The following BNIP3L variants were observed in gnomAD, a reference collection of about 807,000 sequenced individuals.
BNIP3L encodes the protein BCL2/adenovirus E1B 19 kDa protein-interacting protein 3-like.
BNIP3L carries 10 observed loss-of-function variants against 25.5 expected under a neutral mutation model. The ratio of observed to expected loss-of-function variants is 0.39; its 90% CI spans 0.24 to 0.67. The LOEUF (loss-of-function observed/expected upper bound fraction) is 0.67. Among genes scored for constraint, BNIP3L ranks in the 30% least tolerant of loss-of-function variants. BNIP3L has a pLI of 0.45. For missense variants in BNIP3L, 215 were observed against 270.9 expected (o/e 0.79, Z 1.45); for synonymous variants, 113 against 101.2 (o/e 1.12, Z -0.70).
At chr8:26,386,315 G>A (rs542598009) in intron 1 of BNIP3L, among the ~76,000 whole-genome samples, 1 of 152,292 alleles carries the variant, frequency 6.6e-6, no homozygotes, top group Non-Finnish European at 1.5e-5. Flanking sequence ...CCTTAAGAAT[G>A]TTTGAATAAG....
chr8:26,384,012 A>G (rs963820943), intron 1 of BNIP3L, among the ~76,000 whole-genome samples: 1 of 151,984 alleles, frequency 6.6e-6, no homozygotes, highest in African/African-American at 2.4e-5. Flanking sequence ...AAAGAAACGG[A>G]ATTAAAAACG....
chr8:26,387,691 C>CT (rs1289531406), intron 1 of BNIP3L, among the ~76,000 whole-genome samples: 2 of 152,186 alleles, frequency 1.3e-5, no homozygotes, highest in African/African-American at 4.8e-5. Flanking sequence ...GTGTACATAA[C>CT]TTTCTCTGTA....
intron 1 of BNIP3L, among the ~76,000 whole-genome samples, chr8:26,388,416 A>G (rs1039473455): frequency 2.0e-5 from 3 of 152,220 alleles, no homozygotes; most frequent in Admixed American, 6.5e-5. Flanking sequence ...GGTAACAGCT[A>G]TAACTGAGAG....
intron 2 of BNIP3L, among the ~76,000 whole-genome samples, chr8:26,392,690 T>C (rs1806140810): frequency 6.6e-6 from 1 of 152,122 alleles, no homozygotes; most frequent in African/African-American, 2.4e-5. Context: ...TTGATTCCAG[T>C]AGCTACAGCA....
At chr8:26,407,522 T>C (rs976550389) in intron 3 of BNIP3L, among the ~76,000 whole-genome samples, 8 of 150,620 alleles carry the variant, frequency 5.3e-5, no homozygotes, top group Non-Finnish European at 1.2e-4. Context: ...AAGACGGGGT[T>C]TTACCATGTT....
intron 5 of BNIP3L, 129 bp downstream of exon 5, chr8:26,408,505 TAA>T: frequency 9.0e-7 from 1 of 1,107,384 alleles, no homozygotes; most frequent in Non-Finnish European, 1.3e-6. Flanking sequence ...AAGGTGAACT[TAA>T]AAAAGTGGGT....
chr8:26,391,121 A>G, intron 1 of BNIP3L, 122 bp from the exon 2 acceptor site: 1 of 763,762 alleles, frequency 1.3e-6, no homozygotes, highest in Non-Finnish European at 2.0e-6. Context: ...TTTTCTTCAG[A>G]ATACTTTTAC....
At chr8:26,389,372 T>C (rs892070756) in intron 1 of BNIP3L, among the ~76,000 whole-genome samples, 4 of 152,192 alleles carry the variant, frequency 2.6e-5, no homozygotes, top group African/African-American at 4.8e-5. Context: ...GTATTTCTTA[T>C]ACACTCCAGA....
chr8:26,383,284 G>C (rs1235665298), intron 1 of BNIP3L, 54 bp downstream of exon 1: 1 of 1,562,162 alleles, frequency 6.4e-7, no homozygotes, highest in East Asian at 2.3e-5. Flanking sequence ...GAGCAGCCCC[G>C]GCCGCCGCCA....
At position 26,383,211 on chromosome 8, in the gene BNIP3L, C is replaced by T; in HGVS notation, c.81C>T (p.Pro27=). The T allele has an allele frequency of 6.2e-7, 1 of 1,611,176 alleles. No homozygotes were observed. Among genetic ancestry groups the T allele is most frequent in the Admixed American group, 1.7e-5 (1 of 59,796 alleles). ...GCGAGGAAAATGAGCAGTCTCTGCCCCCGCCGGCCGGCCTCAACAGTGAGT... is the reference window on the plus strand; with the variant it reads ...GCGAGGAAAATGAGCAGTCTCTGCCTCCGCCGGCCGGCCTCAACAGTGAGT... ...NNCEENEQSL[P]PPAGLNSSWV... Residue 27 remains proline, a synonymous_variant, in exon 1 of 6, where the codon CCC becomes CCT. Coordinates refer to ENST00000380629, the MANE Select transcript of BNIP3L (RefSeq NM_004331.3).
Position 26,408,001 on chromosome 8 carries a change from CAGA to C in BNIP3L, c.368_370del (p.Glu123del), listed in dbSNP as rs766469742. The C allele has an allele frequency of 1.9e-5, 30 of 1,612,910 alleles. No individual in the cohort carries two copies. The highest frequency in any genetic ancestry group is 1.6e-4 in the Middle Eastern group (1 of 6,084). On this transcript the variant is annotated inframe_deletion and splice_region_variant, in exon 4 of 6. Transcript: ENST00000380629. Reference sequence around the variant, plus strand: ...TAAAGTTTGAATTCTTCTTTACAGTCAGAAGAAGAAGTTGTAGAAGGAGAGAAG... The same window carrying C: ...TAAAGTTTGAATTCTTCTTTACAGTCAGAAGAAGTTGTAGAAGGAGAGAAG...
intron 2 of BNIP3L, among the ~76,000 whole-genome samples, chr8:26,393,462 T>G (rs1176102814): frequency 6.7e-6 from 1 of 150,072 alleles, no homozygotes; most frequent in Non-Finnish European, 1.5e-5. Context: ...CTTCTCATTT[T>G]GGTTGACAGG....
intron 1 of BNIP3L, among the ~76,000 whole-genome samples, chr8:26,383,897 ATTTT>A (rs35370895): frequency 6.7e-6 from 1 of 149,138 alleles, no homozygotes. Context: ...TGCCCAAGTG[ATTTT>A]TTTTTTTTTA....
intron 3 of BNIP3L, among the ~76,000 whole-genome samples, chr8:26,400,156 T>C (rs1042803044): frequency 2.6e-5 from 4 of 151,288 alleles, no homozygotes; most frequent in African/African-American, 7.3e-5. Context: ...ACTACCTGAC[T>C]TCAAACTATA....
In BNIP3L at chr8:26,383,199, G is replaced by A. The variant is rs1158471153; in HGVS notation, c.69G>A (p.Glu23=). 1.9e-6 allele frequency: 3 copies of A among 1,612,130 alleles called. No homozygotes were observed. The highest frequency in any genetic ancestry group is 2.5e-6 in the Non-Finnish European group (3 of 1,179,630). Residue 23 remains glutamate, a synonymous_variant, in exon 1 of 6, where the codon GAG becomes GAA. Transcript: ENST00000380629. ...ACAACAACAACTGCGAGGAAAATGAGCAGTCTCTGCCCCCGCCGGCCGGCC... is the reference window on the plus strand; with the variant it reads ...ACAACAACAACTGCGAGGAAAATGAACAGTCTCTGCCCCCGCCGGCCGGCC... ...HNNNNNCEEN[E]QSLPPPAGLN... is the part of the protein sequence containing the mutation.
chr8:26,383,526 C>CGGGCG (rs1435251736), intron 1 of BNIP3L: 4,638 of 66,258 alleles, frequency 0.07, 125 homozygotes, highest in Admixed American at 0.18. Context: ...GCAGCGGAGC[C>CGGGCG]GGGCGGGGCG....
rs3837185 is a variant in BNIP3L at position 26,388,807 on chromosome 8, C to CTAAATAAATAAATAAA, written c.101-2416_101-2401dup. Among the ~76,000 whole-genome samples, 223 of 143,956 alleles carry CTAAATAAATAAATAAA rather than the reference C, an allele frequency of 1.5e-3. 6 individuals are homozygous for CTAAATAAATAAATAAA. The highest frequency in any genetic ancestry group is 0.011 in the Middle Eastern group (3 of 284). The allele number at this position is 143,956 out of a possible 152,430, so 94.4% of individuals were successfully genotyped here. The stretch of plus-strand genomic sequence containing the variant: ...GCAATGTAGGGAGACCCTGTCTCTA[C>CTAAATAAATAAATAAA]TAAATAAATAAATAAATAAATAAAT... On this transcript the variant is annotated intron_variant, in intron 1 of 5. Transcript: ENST00000380629.
chr8:26,408,956 CT>C (rs1341475865), intron 5 of BNIP3L, among the ~76,000 whole-genome samples: 6 of 146,938 alleles, frequency 4.1e-5, no homozygotes, highest in Non-Finnish European at 9.0e-5. Flanking sequence ...ATTGATTTTT[CT>C]TTTTGGGTTT....
chr8:26,407,528 A>T, intron 3 of BNIP3L, among the ~76,000 whole-genome samples: 1 of 150,734 alleles, frequency 6.6e-6, no homozygotes. Context: ...GGGTTTTACC[A>T]TGTTGGCCAG....
Sources: allele counts gnomAD v4.1 joint callset (sites outside exome capture counted in the v4.1 genomes callset), GRCh38; gene constraint gnomAD v4.1.1; transcripts MANE v1.5; gene names NCBI Gene and HGNC (gene_info 2026-07-23, HGNC 2026-07-21).